The following EPB41 variants were observed in gnomAD, a reference collection of about 807,000 sequenced individuals.
EPB41 encodes the protein protein 4.1.
EPB41 carries 65 observed loss-of-function variants against 108.0 expected under a neutral mutation model. The ratio of observed to expected loss-of-function variants is 0.60; its 90% CI spans 0.49 to 0.74. The LOEUF is 0.74. EPB41 is among the 30% of genes least tolerant of loss of function. The pLI, the probability that EPB41 is intolerant of heterozygous loss-of-function variation, is 0.00. For missense variants in EPB41, 875 were observed against 1,037.0 expected, an observed-to-expected ratio of 0.84 and a Z score of 2.15; for synonymous variants, 336 against 358.9, an observed-to-expected ratio of 0.94 and a Z score of 0.72.
At chr1:29,096,210 C>T (rs1663178899) in intron 16 of EPB41, 3 of 985,740 alleles carry the variant, frequency 3.0e-6, no homozygotes, top group Admixed American at 6.1e-5. Flanking sequence ...GGGCCATCTA[C>T]TAACCCTGAC....
intron 1 of EPB41, among the ~76,000 whole-genome samples, chr1:28,984,040 T>C (rs1253457047): frequency 7.3e-6 from 1 of 136,880 alleles, no homozygotes; most frequent in African/African-American, 2.6e-5. Flanking sequence ...CGGGGGTGGG[T>C]AGATTATCTT....
chr1:28,975,979 A>G (rs34788635), intron 1 of EPB41, among the ~76,000 whole-genome samples: 5 of 151,108 alleles, frequency 3.3e-5, no homozygotes, highest in African/African-American at 1.2e-4. Flanking sequence ...AGAAAGAAAT[A>G]TGTACATGGG....
chr1:28,963,355 G>GTGTT (rs2095274000), intron 1 of EPB41, among the ~76,000 whole-genome samples: 1 of 147,118 alleles, frequency 6.8e-6, no homozygotes, highest in Non-Finnish European at 1.5e-5. Context: ...GTGTGTGTGT[G>GTGTT]TGTGTGTGTG....
Position 28,948,521 on chromosome 1 carries a change from AAAAG to A in EPB41, c.-8+33766_-8+33769del, listed in dbSNP as rs917898375. 1.3e-4 allele frequency among the ~76,000 whole-genome samples: 20 copies of A among 151,194 alleles called. No homozygotes were observed. In the South Asian group the frequency reaches 1.9e-3, roughly 14 times the overall value. On this transcript the variant is annotated intron_variant, in intron 1 of 20. Coordinates refer to ENST00000343067, the MANE Select transcript of EPB41 (RefSeq NM_001376013.1). The stretch of plus-strand genomic sequence containing the variant: ...ACTCCGTATCAAAAAAAAAAAAAAA[AAAAG>A]AAAGAAAGAAAGTGAAGCAGCAACT...
Position 28,993,522 on chromosome 1 carries a change from G to A in EPB41, c.661G>A (p.Val221Ile), listed in dbSNP as rs148968117. ...CAAGGTTTCTTTGTTGGATGACACA[G>A]TTTATGAATGTGTTGTGGAGGTGAG... ...HCKVSLLDDT[V>I]YECVVEKHAK... The change falls in exon 3 of 21, where the codon GTT becomes ATT. Residue 221 changes from valine (V) to isoleucine (I), a missense_variant. Around this residue, in one of 3 missense-constraint regions of EPB41, gnomAD observed 353 missense variants for 393.2 expected, o/e 0.90. Transcript: ENST00000343067. 1.2e-4 allele frequency: 195 copies of A among 1,613,860 alleles called. 1 individual carries two copies. The highest frequency in any genetic ancestry group is 3.3e-5 in the Admixed American group (2 of 59,982).
rs1314203508 is a variant in EPB41 at position 28,992,403 on chromosome 1, T to C, written c.469-927T>C. ...TGTTGAAAGTAAAAGTAAAAATGTA[T>C]GCCGGCCAGGCACGGTTGCTCACGC... is the stretch of plus-strand genomic sequence containing the variant. On this transcript the variant is annotated intron_variant, in intron 2 of 20. Transcript: ENST00000343067. 3.9e-5 allele frequency among the ~76,000 whole-genome samples: 6 copies of C among 152,158 alleles called. No individual in the cohort carries two copies. In the East Asian group the frequency reaches 9.7e-4, roughly 24 times the overall value.
At chr1:28,983,277 G>A (rs2095799560) in intron 1 of EPB41, among the ~76,000 whole-genome samples, 1 of 152,172 alleles carries the variant, frequency 6.6e-6, no homozygotes, top group African/African-American at 2.4e-5. Context: ...GGATTTATTT[G>A]TTGAGCACTT....
intron 3 of EPB41, among the ~76,000 whole-genome samples, chr1:28,996,062 T>C (rs929038418): frequency 1.3e-5 from 2 of 152,216 alleles, no homozygotes; most frequent in African/African-American, 4.8e-5. Context: ...TTCACATATT[T>C]GATTATTGTT....
At chr1:29,045,406 T>A (rs1469775181) in intron 11 of EPB41, among the ~76,000 whole-genome samples, 1 of 151,994 alleles carries the variant, frequency 6.6e-6, no homozygotes, top group Non-Finnish European at 1.5e-5. Context: ...CAGGCTGGAG[T>A]GCGATGGAGC....
intron 3 of EPB41, among the ~76,000 whole-genome samples, chr1:28,995,635 A>G (rs189020847): frequency 2.0e-5 from 3 of 152,344 alleles, no homozygotes; most frequent in Admixed American, 6.5e-5. Flanking sequence ...TATTCTGCAT[A>G]TTTTATAATA....
At chr1:29,044,719 G>A (rs1040865791) in intron 11 of EPB41, among the ~76,000 whole-genome samples, 30 of 152,132 alleles carry the variant, frequency 2.0e-4, no homozygotes, top group African/African-American at 7.0e-4. Flanking sequence ...GGGCATGGTG[G>A]CACATGCCTG....
At chr1:29,104,948 C>T (rs1666655352) in intron 17 of EPB41, among the ~76,000 whole-genome samples, 1 of 151,648 alleles carries the variant, frequency 6.6e-6, no homozygotes, top group Non-Finnish European at 1.5e-5. Flanking sequence ...ATCTCGAACT[C>T]CTGGGCTCAA....
chr1:28,999,318 C>T (rs1280889795), intron 4 of EPB41, among the ~76,000 whole-genome samples: 4 of 151,938 alleles, frequency 2.6e-5, no homozygotes, highest in South Asian at 2.1e-4. Context: ...TGCAGTGAGC[C>T]GAGATTGTGC....
intron 1 of EPB41, among the ~76,000 whole-genome samples, chr1:28,938,789 A>T (rs1048263762): frequency 2.0e-5 from 3 of 152,144 alleles, no homozygotes; most frequent in Admixed American, 6.5e-5. Flanking sequence ...TACAGGCATG[A>T]GCCACCATAA....
chr1:29,030,636 C>T, intron 8 of EPB41, 149 bp downstream of exon 8: 1 of 687,736 alleles, frequency 1.5e-6, no homozygotes, highest in Non-Finnish European at 2.5e-6. Flanking sequence ...GTAGACTGGG[C>T]ACAGCAGCTC....
chr1:29,041,580 T>C (rs1572935715), intron 11 of EPB41: 1 of 152,142 alleles, frequency 6.6e-6, no homozygotes, highest in Non-Finnish European at 1.5e-5. Context: ...AAGCCTATGC[T>C]ATCTACTGTA....
chr1:29,079,011 T>G (rs1573641965), intron 16 of EPB41, among the ~76,000 whole-genome samples: 3 of 152,100 alleles, frequency 2.0e-5, no homozygotes, highest in East Asian at 1.9e-4. Context: ...TTTTTTTTTT[T>G]GGACACAAAA....
Position 29,035,969 on chromosome 1 carries a change from C to A in EPB41, c.1463+46C>A, listed in dbSNP as rs746987520. 7 of 1,440,764 alleles carry A rather than the reference C, an allele frequency of 4.9e-6. No individual in the cohort carries two copies. The South Asian group carries it at 6.9e-5, about 14-fold the overall frequency. The allele number at this position is 1,440,764 out of a possible 1,614,324, so 89.2% of individuals were successfully genotyped here. ...TTTTTCAAGGATAAATTATTTATAACGTTTCTATTTTAAGCCTGCTATTAA... is the reference window on the plus strand; with the variant it reads ...TTTTTCAAGGATAAATTATTTATAAAGTTTCTATTTTAAGCCTGCTATTAA... On this transcript the variant is annotated intron_variant, in intron 10 of 20. Transcript: ENST00000343067.
At chr1:28,985,751 A>T (rs1005483932) in intron 1 of EPB41, 1 of 152,174 alleles carries the variant, frequency 6.6e-6, no homozygotes, top group African/African-American at 2.4e-5. Context: ...ATTGATCACA[A>T]CCAGTTATAG....
Sources: gnomAD v4.1 joint callset for allele counts (sites outside exome capture counted in the v4.1 genomes callset) on GRCh38, gnomAD v4.1.1 for gene constraint, gnomAD v4.1.1 regional missense constraint, MANE v1.5 for transcripts, NCBI Gene and HGNC (gene_info 2026-07-23, HGNC 2026-07-21) for gene names.